COX7A2L: variants seen among roughly 807,000 people sequenced by gnomAD.
COX7A2L encodes the protein cytochrome c oxidase subunit 7A2-like, mitochondrial.
In COX7A2L, 18 loss-of-function variants were observed where a neutral mutation model predicts 14.2. The observed-to-expected ratio is 1.27, with a 90% CI of 0.88 to 1.88. The LOEUF (loss-of-function observed/expected upper bound fraction) is 1.88. Ranked by LOEUF, COX7A2L falls within the 40% of genes most tolerant of loss-of-function variation. COX7A2L has a pLI of 0.00. For synonymous variants in COX7A2L, 65 were observed against 57.4 expected (o/e 1.13, Z -0.60); for missense variants, 179 against 138.8 (o/e 1.29, Z -1.46).
upstream of COX7A2L, among the ~76,000 whole-genome samples, chr2:42,365,223 G>A (rs2103920985): frequency 6.6e-6 from 1 of 152,300 alleles, no homozygotes; most frequent in South Asian, 2.1e-4. Flanking sequence ...GGGACGGGTG[G>A]TGGTTTCTCA....
chr2:42,362,461 T>G (rs1671079445), upstream of COX7A2L, among the ~76,000 whole-genome samples: 1 of 152,250 alleles, frequency 6.6e-6, no homozygotes, highest in Non-Finnish European at 1.5e-5. Context: ...GTAAATGCTA[T>G]TATCATCTCC....
chr2:42,356,414 T>C (rs1019762088), intron 1 of COX7A2L, among the ~76,000 whole-genome samples: 2 of 152,236 alleles, frequency 1.3e-5, no homozygotes, highest in African/African-American at 2.4e-5. Flanking sequence ...TTTTGGCACA[T>C]CTTGTTCACT....
At chr2:42,344,363 C>A (rs1008073537), downstream of COX7A2L, among the ~76,000 whole-genome samples, 3 of 152,176 alleles carry the variant, frequency 2.0e-5, no homozygotes, top group African/African-American at 7.2e-5. Flanking sequence ...AAAACATTTA[C>A]CCTACTACAA....
chr2:42,353,901 T>G (rs1485982914), intron 1 of COX7A2L, among the ~76,000 whole-genome samples: 1 of 152,124 alleles, frequency 6.6e-6, no homozygotes, highest in Non-Finnish European at 1.5e-5. Flanking sequence ...CAGTAAAAAT[T>G]TAAACAAGGT....
At chr2:42,349,269 AGAT>A (rs1357447698), downstream of COX7A2L, 1 of 152,254 alleles carries the variant, frequency 6.6e-6, no homozygotes, top group African/African-American at 2.4e-5. Flanking sequence ...AATACTATTC[AGAT>A]AATAGAGTAT....
At chr2:42,348,299 T>C (rs1356029648), downstream of COX7A2L, among the ~76,000 whole-genome samples, 1 of 152,168 alleles carries the variant, frequency 6.6e-6, no homozygotes, top group East Asian at 1.9e-4. Flanking sequence ...GACACGATAT[T>C]CCTAGTCTCA....
rs1431579897 is a variant in COX7A2L at position 42,338,119 on chromosome 2, C to T, written c.193-4250G>A. Among the ~76,000 whole-genome samples, 1 of 152,176 alleles carries T rather than the reference C, an allele frequency of 6.6e-6. No individual in the cohort carries two copies. The highest frequency in any genetic ancestry group is 6.5e-5 in the Admixed American group (1 of 15,286). The stretch of plus-strand genomic sequence containing the variant: ...ATCTTCTGGTCCGCCCCTCCGATGA[C>T]GGTTGGTTGGTCCATAACCCTACTC... On this transcript the variant is annotated intron_variant, in intron 2 of 2. Transcript: ENST00000468711. This position sits in a 1 kb window ranked among gnomAD's most constrained non-coding sequence, Gnocchi z 4.4.
chr2:42,364,200 G>C (rs1671113417), upstream of COX7A2L, among the ~76,000 whole-genome samples: 2 of 145,748 alleles, frequency 1.4e-5, no homozygotes, highest in Admixed American at 1.4e-4. Flanking sequence ...GCAGTGAGCC[G>C]AGATCGCGCC....
At chr2:42,362,245 G>A (rs973477301), upstream of COX7A2L, among the ~76,000 whole-genome samples, 6 of 152,160 alleles carry the variant, frequency 3.9e-5, no homozygotes, top group African/African-American at 1.4e-4. Context: ...CCTGTGCTGT[G>A]TGCAAGGTAC....
chr2:42,364,324 G>A (rs1671117511), upstream of COX7A2L, among the ~76,000 whole-genome samples: 1 of 151,868 alleles, frequency 6.6e-6, no homozygotes, highest in Non-Finnish European at 1.5e-5. Context: ...CAGGAGTTGA[G>A]GTCATTGTGG....
At chr2:42,344,602 C>T (rs534357016), downstream of COX7A2L, among the ~76,000 whole-genome samples, 20 of 152,264 alleles carry the variant, frequency 1.3e-4, no homozygotes, top group Non-Finnish European at 2.2e-4. Flanking sequence ...CCTGTAGTCC[C>T]AGCAGTTTGG....
In COX7A2L at chr2:42,349,930, A is replaced by C. The variant is rs1301034721; in HGVS notation, c.*1289T>G. The C allele has an allele frequency of 6.6e-6, 1 of 152,228 alleles. No homozygotes were observed. Among genetic ancestry groups the C allele is most frequent in the Non-Finnish European group, 1.5e-5 (1 of 68,046 alleles). The allele number at this position is 152,228 out of a possible 1,614,324, so 9.4% of individuals were successfully genotyped here. A position where few individuals can be genotyped will look rare whatever the true frequency, so the allele number is the denominator to read the frequency against. On this transcript the variant is annotated 3_prime_UTR_variant, in exon 3 of 3. Coordinates refer to ENST00000234301, the MANE Select transcript of COX7A2L (RefSeq NM_004718.4). ...AGAACAAGAAAAAGCAAAGGTGCCA[A>C]TATATTGATAACTGGTGATCTAAGT...
At chr2:42,353,946 G>T (rs1024907681) in intron 1 of COX7A2L, among the ~76,000 whole-genome samples, 1 of 152,110 alleles carries the variant, frequency 6.6e-6, no homozygotes, top group African/African-American at 2.4e-5. Flanking sequence ...GCTACAACAC[G>T]GATAAGCCTC....
chr2:42,354,780 T>A (rs1670765257), intron 1 of COX7A2L, among the ~76,000 whole-genome samples: 1 of 152,214 alleles, frequency 6.6e-6, no homozygotes, highest in Non-Finnish European at 1.5e-5. Flanking sequence ...TGCTCTACAC[T>A]AGAAATACAC....
upstream of COX7A2L, among the ~76,000 whole-genome samples, chr2:42,363,655 T>C (rs1168400754): frequency 6.6e-6 from 1 of 152,234 alleles, no homozygotes; most frequent in Admixed American, 6.5e-5. Flanking sequence ...TTTTGTCTCA[T>C]TTCCCAAATA....
Position 42,338,571 on chromosome 2 carries a change from G to GATTA in COX7A2L, c.193-4706_193-4703dup. Among the ~76,000 whole-genome samples, 1 of 152,304 alleles carries GATTA rather than the reference G, an allele frequency of 6.6e-6. No homozygotes were observed. The highest frequency in any genetic ancestry group is 2.1e-4 in the South Asian group (1 of 4,816). On this transcript the variant is annotated intron_variant, in intron 2 of 2. Coordinates refer to the COX7A2L transcript ENST00000468711. This position sits in a 1 kb window ranked among gnomAD's most constrained non-coding sequence, Gnocchi z 4.4. ...GCTTGGACATTTCCATGGAGAAGATGATTAATTATGAACCAAGAATCCCCC... is the reference window on the plus strand; with the variant it reads ...GCTTGGACATTTCCATGGAGAAGATGATTAATTAATTATGAACCAAGAATCCCCC...
chr2:42,363,979 A>G (rs918077471), upstream of COX7A2L, among the ~76,000 whole-genome samples: 2 of 152,218 alleles, frequency 1.3e-5, no homozygotes, highest in African/African-American at 4.8e-5. Flanking sequence ...GAAAACCAAC[A>G]TAAAATTTAA....
In COX7A2L at chr2:42,361,120, T is replaced by C. The variant is rs149297722; in HGVS notation, c.42A>G (p.Gly14=). The change falls in exon 1 of 3, where the codon GGA becomes GGG. Residue 14 remains glycine, a synonymous_variant. Transcript: ENST00000234301. ...GGCTATAGGCCTCCGAAGCCCATGC[T>C]CCTGCCAACTTCTGCGTGAAGCCAC... is the stretch of plus-strand genomic sequence containing the variant. The part of the protein sequence containing the change: ...KFSGFTQKLA[G]AWASEAYSPQ... 1.2e-6 allele frequency: 2 copies of C among 1,613,846 alleles called. No individual in the cohort carries two copies. Among genetic ancestry groups the C allele is most frequent in the Non-Finnish European group, 1.7e-6 (2 of 1,179,932 alleles).
Position 42,353,284 on chromosome 2 carries a change from T to G in COX7A2L, c.132A>C (p.Lys44Asn), listed in dbSNP as rs1440819564. ...APPIIFATPT[K>N]LTSDSTVYDY... is the part of the protein sequence containing the mutation. The stretch of plus-strand genomic sequence containing the variant: ...CATACACTGTGGAATCGGAGGTCAG[T>G]TTAGTTGGTGTGGCAAATATGATAG... Residue 44 changes from lysine (K) to asparagine (N), a missense_variant, in exon 2 of 3, where the codon AAA becomes AAC. By Grantham distance (94) the Lys-to-Asn change is moderately conservative. Coordinates refer to ENST00000234301, the MANE Select transcript of COX7A2L (RefSeq NM_004718.4). 6.2e-7 allele frequency: 1 copy of G among 1,614,122 alleles called. No homozygotes were observed. The highest frequency in any genetic ancestry group is 1.3e-5 in the African/African-American group (1 of 75,008).
Sources: allele counts gnomAD v4.1 joint callset (sites outside exome capture counted in the v4.1 genomes callset), GRCh38; gene constraint gnomAD v4.1.1; non-coding constraint Gnocchi (gnomAD v3.1); transcripts MANE v1.5; gene names NCBI Gene and HGNC (gene_info 2026-07-23, HGNC 2026-07-21).